Variants in DNAH7 observed in about 807,000 individuals in gnomAD.
DNAH7 encodes the protein axonemal beta dynein heavy chain 7.
DNAH7 carries 397 observed loss-of-function variants against 444.6 expected under a neutral mutation model. That is an observed-to-expected ratio of 0.89 (90% CI 0.82 to 0.97). The LOEUF is 0.97. DNAH7 is among the 50% of genes least tolerant of loss of function. The pLI, the probability that DNAH7 is intolerant of heterozygous loss-of-function variation, is 0.00. For synonymous variants in DNAH7, 1,636 were observed against 1,624.4 expected (o/e 1.01, Z -0.17); for missense variants, 4,902 against 4,800.8 (o/e 1.02, Z -0.62).
chr2:196,056,202 T>C (rs1018525853), intron 2 of DNAH7, among the ~76,000 whole-genome samples: 1 of 152,024 alleles, frequency 6.6e-6, no homozygotes, highest in Non-Finnish European at 1.5e-5. Context: ...CCCAGCACTT[T>C]GGGAGGCCGA....
At chr2:195,765,651 G>A (rs1694537571) in intron 61 of DNAH7, among the ~76,000 whole-genome samples, 1 of 152,158 alleles carries the variant, frequency 6.6e-6, no homozygotes, top group Non-Finnish European at 1.5e-5. Context: ...GATCATCAGA[G>A]AAACCCAAAT....
Position 195,984,653 on chromosome 2 carries a change from T to C in DNAH7, c.1812A>G (p.Thr604=). The C allele has an allele frequency of 1.9e-6, 3 of 1,614,028 alleles. No homozygotes were observed. The highest frequency in any genetic ancestry group is 2.5e-6 in the Non-Finnish European group (3 of 1,179,930). Reference sequence around the variant, plus strand: ...ATACCTTCATTTCCATTAGTTCTGCTGTATTTGGAGGAGTGCTAAGAGCTT... The same window carrying C: ...ATACCTTCATTTCCATTAGTTCTGCCGTATTTGGAGGAGTGCTAAGAGCTT... ...AEKALSTPPN[T]AELMEMKAYI... Residue 604 remains threonine (T), a synonymous_variant, in exon 15 of 65, where the codon ACA becomes ACG. Transcript: ENST00000312428.
chr2:195,848,630 G>GGGCCACACA (rs1473994405), intron 46 of DNAH7, among the ~76,000 whole-genome samples: 15 of 152,364 alleles, frequency 9.8e-5, no homozygotes, highest in African/African-American at 3.4e-4. Flanking sequence ...GCTGCACACA[G>GGGCCACACA]GGCCACACAG....
At chr2:195,766,282 G>A (rs1469873365) in intron 61 of DNAH7, among the ~76,000 whole-genome samples, 1 of 146,154 alleles carries the variant, frequency 6.8e-6, no homozygotes, top group Admixed American at 7.1e-5. Flanking sequence ...CAAGCGATCC[G>A]CCTGCCTCAG....
chr2:195,864,826 T>C lies in DNAH7; in HGVS notation c.6829A>G (p.Lys2277Glu). 3 of 1,614,214 alleles carry C rather than the reference T, an allele frequency of 1.9e-6. No individual in the cohort carries two copies. Among genetic ancestry groups the C allele is most frequent in the East Asian group, 4.5e-5 (2 of 44,890 alleles). Residue 2277 changes from lysine to glutamate, a missense_variant, in exon 41 of 65, where the codon AAG becomes GAG. Physicochemically the swap from Lys to Glu is moderately conservative, Grantham distance 56. Coordinates refer to ENST00000312428, the MANE Select transcript of DNAH7 (RefSeq NM_018897.3). ...TCTCTGTAGTTGGTATCCTCCCTCT[T>C]GGGATCATGGAAATCACAAAACATT... Reference protein sequence around the residue: ...SLMFCDFHDPKREDTNYREIA... With the variant: ...SLMFCDFHDPEREDTNYREIA...
intron 39 of DNAH7, 33 bp downstream of exon 39, chr2:195,873,535 T>C: frequency 8.2e-7 from 1 of 1,216,330 alleles, no homozygotes; most frequent in South Asian, 2.3e-5. Flanking sequence ...TTATACCTCC[T>C]AATTAAAAAA....
rs531047773 is a variant in DNAH7 at position 195,768,575 on chromosome 2, G to T, written c.11433+3085C>A. ...ATATATATATATTTAGGATAAAGAA[G>T]ATTTAACATTTTTACTGGTATTACC... On this transcript the variant is annotated intron_variant, in intron 61 of 64. Transcript: ENST00000312428. Among the ~76,000 whole-genome samples, 4 of 151,980 alleles carry T rather than the reference G, an allele frequency of 2.6e-5. No individual in the cohort carries two copies. In the East Asian group the frequency reaches 7.7e-4, roughly 29 times the overall value.
chr2:195,816,548 A>T, intron 51 of DNAH7, 80 bp downstream of exon 51: 1 of 1,060,754 alleles, frequency 9.4e-7, no homozygotes, highest in Non-Finnish European at 1.4e-6. Flanking sequence ...TACCACTCTG[A>T]GACAACAATA....
intron 61 of DNAH7, among the ~76,000 whole-genome samples, chr2:195,759,184 T>C (rs1303375572): frequency 7.9e-5 from 12 of 152,160 alleles, no homozygotes; most frequent in Non-Finnish European, 1.5e-5. Flanking sequence ...GACTTTGTCT[T>C]GCAACTTGGG....
intron 45 of DNAH7, among the ~76,000 whole-genome samples, chr2:195,853,774 T>C (rs1699535107): frequency 6.6e-6 from 1 of 152,142 alleles, no homozygotes; most frequent in Non-Finnish European, 1.5e-5. Flanking sequence ...CAGCTGTATT[T>C]AGGAAATGAC....
rs533871974 is a variant in DNAH7 at position 195,879,268 on chromosome 2, T to A, written c.5961+2527A>T. On this transcript the variant is annotated intron_variant, in intron 36 of 64. Coordinates refer to ENST00000312428, the MANE Select transcript of DNAH7 (RefSeq NM_018897.3). ...CTGAGTCTAAATGATCAGAAATACTTAAAAAGAATAAGCAAAAATAGATCA... is the reference window on the plus strand; with the variant it reads ...CTGAGTCTAAATGATCAGAAATACTAAAAAAGAATAAGCAAAAATAGATCA... Among the ~76,000 whole-genome samples the A allele has an allele frequency of 2.6e-5, 4 of 152,046 alleles. No homozygotes were observed. The South Asian group carries it at 8.3e-4, about 32-fold the overall frequency.
At chr2:195,951,416 G>A (rs943575477) in intron 19 of DNAH7, among the ~76,000 whole-genome samples, 3 of 152,164 alleles carry the variant, frequency 2.0e-5, no homozygotes, top group African/African-American at 7.2e-5. Flanking sequence ...TGTATATTCT[G>A]TTGATTTGGG....
At chr2:195,886,315 G>A (rs1465761221) in intron 33 of DNAH7, 43 bp from the exon 34 acceptor site, 2 of 1,563,260 alleles carry the variant, frequency 1.3e-6, no homozygotes, top group Admixed American at 1.8e-5. Context: ...TTTAAATTAG[G>A]TAATAGCTAA....
chr2:195,766,778 A>T (rs1023421078), intron 61 of DNAH7, among the ~76,000 whole-genome samples: 1 of 152,214 alleles, frequency 6.6e-6, no homozygotes, highest in Non-Finnish European at 1.5e-5. Context: ...GTATGCCTGT[A>T]TGAGAATATC....
In DNAH7 at chr2:195,936,760, G is replaced by A. The variant is rs745896072; in HGVS notation, c.3111C>T (p.Asp1037=). The A allele has an allele frequency of 1.3e-6, 2 of 1,583,916 alleles. No individual in the cohort carries two copies. The highest frequency in any genetic ancestry group is 1.7e-6 in the Non-Finnish European group (2 of 1,167,930). Reference sequence around the variant, plus strand: ...ATTTTTTCAGCCTTTCCAGCATTCTGTCAATGGTTACAACTGTCAGAACAT... The same window carrying A: ...ATTTTTTCAGCCTTTCCAGCATTCTATCAATGGTTACAACTGTCAGAACAT... ...DKHVLTVVTI[D]RMLERLKKSN... is the part of the protein sequence containing the mutation. The change falls in exon 20 of 65, where the codon GAC becomes GAT. Residue 1037 remains aspartate (D), a synonymous_variant. Transcript: ENST00000312428.
chr2:195,849,361 T>G (rs1214371101), intron 46 of DNAH7, among the ~76,000 whole-genome samples: 1 of 152,242 alleles, frequency 6.6e-6, no homozygotes, highest in Non-Finnish European at 1.5e-5. Flanking sequence ...TAATTCCATC[T>G]GCAAAGTCCC....
At chr2:195,930,499 G>A (rs186042515) in intron 21 of DNAH7, among the ~76,000 whole-genome samples, 4 of 152,142 alleles carry the variant, frequency 2.6e-5, no homozygotes, top group South Asian at 2.1e-4. Flanking sequence ...CACTCAGAAT[G>A]GCTATTACTA....
intron 30 of DNAH7, chr2:195,892,623 T>C (rs1337701377): frequency 6.6e-6 from 1 of 152,130 alleles, no homozygotes; most frequent in African/African-American, 2.4e-5. Flanking sequence ...GTGTGGTACA[T>C]TGTTATGGCT....
At chr2:195,938,059 C>T (rs1282589068) in intron 19 of DNAH7, among the ~76,000 whole-genome samples, 1 of 151,862 alleles carries the variant, frequency 6.6e-6, no homozygotes, top group Non-Finnish European at 1.5e-5. Flanking sequence ...TAAATTTTTT[C>T]CTATAGGAAT....
Sources: allele counts gnomAD v4.1 joint callset (sites outside exome capture counted in the v4.1 genomes callset), GRCh38; gene constraint gnomAD v4.1.1; transcripts MANE v1.5; gene names NCBI Gene and HGNC (gene_info 2026-07-23, HGNC 2026-07-21).